OPCML: variants seen among roughly 807,000 people sequenced by gnomAD.
OPCML encodes opioid-binding protein/cell adhesion molecule.
Under a neutral mutation model 37.8 loss-of-function variants are expected in OPCML, and 13 were observed. That is an observed-to-expected ratio of 0.34 (90% CI 0.22 to 0.55). The LOEUF (loss-of-function observed/expected upper bound fraction) is 0.55. Among genes scored for constraint, OPCML ranks in the 20% least tolerant of loss-of-function variants. The pLI, the probability that OPCML is intolerant of heterozygous loss-of-function variation, is 0.91. For synonymous variants in OPCML, 176 were observed against 168.8 expected, an observed-to-expected ratio of 1.04 and a Z score of -0.33; for missense variants, 341 against 435.6, an observed-to-expected ratio of 0.78 and a Z score of 1.93.
intron 4 of OPCML, among the ~76,000 whole-genome samples, chr11:132,507,138 G>T (rs1355136563): frequency 6.7e-6 from 1 of 149,272 alleles, no homozygotes; most frequent in Non-Finnish European, 1.5e-5. Context: ...ACTGATAAAA[G>T]AAGCAATTCA....
At chr11:133,463,926 A>C (rs894624323) in intron 1 of OPCML, among the ~76,000 whole-genome samples, 1 of 152,184 alleles carries the variant, frequency 6.6e-6, no homozygotes, top group Non-Finnish European at 1.5e-5. Flanking sequence ...CCACATCTTC[A>C]TCGGCATCTC....
chr11:132,488,592 G>A (rs980570051), intron 4 of OPCML, among the ~76,000 whole-genome samples: 6 of 152,208 alleles, frequency 3.9e-5, no homozygotes, highest in Non-Finnish European at 5.9e-5. Context: ...AGTGAGTGGT[G>A]AGTGAATGTG....
intron 1 of OPCML, among the ~76,000 whole-genome samples, chr11:133,448,722 G>T (rs1946521314): frequency 1.3e-5 from 2 of 152,304 alleles, no homozygotes; most frequent in East Asian, 1.9e-4. Flanking sequence ...GTCCCGAAGT[G>T]CTGGGATTAC....
At chr11:133,182,132 T>C (rs1267757565) in intron 1 of OPCML, among the ~76,000 whole-genome samples, 3 of 152,326 alleles carry the variant, frequency 2.0e-5, no homozygotes, top group East Asian at 3.9e-4. Flanking sequence ...TAAATAACTG[T>C]ACTGCCCTCA....
At chr11:133,169,437 T>C (rs1950258939) in intron 1 of OPCML, among the ~76,000 whole-genome samples, 1 of 152,242 alleles carries the variant, frequency 6.6e-6, no homozygotes, top group Admixed American at 6.5e-5. Flanking sequence ...CACTAATCTC[T>C]GCCAATTTTC....
At chr11:133,314,852 G>C (rs1423050569) in intron 1 of OPCML, among the ~76,000 whole-genome samples, 1 of 152,184 alleles carries the variant, frequency 6.6e-6, no homozygotes, top group Non-Finnish European at 1.5e-5. Context: ...TGTAATTTTA[G>C]CTTCTATCCC....
At chr11:132,422,902 T>C (rs576679072) in intron 7 of OPCML, among the ~76,000 whole-genome samples, 1 of 152,352 alleles carries the variant, frequency 6.6e-6, no homozygotes, top group African/African-American at 2.4e-5. Context: ...GCAGTGTCTC[T>C]GTATGAATGT....
chr11:133,172,941 T>G (rs1050578437), intron 1 of OPCML, among the ~76,000 whole-genome samples: 7 of 152,228 alleles, frequency 4.6e-5, no homozygotes, highest in Non-Finnish European at 8.8e-5. Context: ...AAAATGAGTT[T>G]TGAGATGTTG....
chr11:133,475,544 G>C (rs1159709736), intron 1 of OPCML, among the ~76,000 whole-genome samples: 1 of 152,146 alleles, frequency 6.6e-6, no homozygotes, highest in Non-Finnish European at 1.5e-5. Flanking sequence ...CAAAGGAAAA[G>C]GAAGGATTTG....
In OPCML at chr11:132,947,836, A is replaced by G. The variant is rs1283163210; in HGVS notation, c.62-4826T>C. ...TCCCTTATCAGAAATGCTTGAGACC[A>G]GAAGTGTTTCAGATTTTGAATTATT... On this transcript the variant is annotated intron_variant, in intron 1 of 7. Coordinates refer to ENST00000524381, the MANE Select transcript of OPCML (RefSeq NM_001012393.5). 2.0e-5 allele frequency among the ~76,000 whole-genome samples: 3 copies of G among 152,336 alleles called. No homozygotes were observed. The East Asian group carries it at 5.8e-4, about 29-fold the overall frequency.
chr11:133,503,872 A>G (rs1947969609), intron 1 of OPCML, among the ~76,000 whole-genome samples: 1 of 152,130 alleles, frequency 6.6e-6, no homozygotes, highest in South Asian at 2.1e-4. Flanking sequence ...GAGTCAATCC[A>G]TCCTCTTCCT....
At chr11:133,429,907 C>T (rs191936097) in intron 1 of OPCML, among the ~76,000 whole-genome samples, 5 of 152,196 alleles carry the variant, frequency 3.3e-5, no homozygotes, top group East Asian at 1.9e-4. Context: ...ACACAGACTA[C>T]GATCATAGAC....
intron 3 of OPCML, among the ~76,000 whole-genome samples, chr11:132,592,747 A>C (rs2137717548): frequency 6.6e-6 from 1 of 152,332 alleles, no homozygotes; most frequent in East Asian, 1.9e-4. Flanking sequence ...GGAGTGGTCC[A>C]GAATGTACAA....
chr11:132,800,253 T>A (rs1938567851), intron 2 of OPCML, among the ~76,000 whole-genome samples: 1 of 152,218 alleles, frequency 6.6e-6, no homozygotes, highest in Non-Finnish European at 1.5e-5. Flanking sequence ...GATTTACATA[T>A]TGACTTATCC....
At chr11:133,487,785 G>C (rs928961240) in intron 1 of OPCML, among the ~76,000 whole-genome samples, 2 of 151,698 alleles carry the variant, frequency 1.3e-5, no homozygotes, top group Non-Finnish European at 2.9e-5. Flanking sequence ...TTGTGTGTGT[G>C]TGTGTGTGTG....
At chr11:132,834,841 C>T (rs34315715) in intron 2 of OPCML, among the ~76,000 whole-genome samples, 10,184 of 152,150 alleles carry the variant, frequency 0.067, 393 homozygotes, top group Non-Finnish European at 0.076. Flanking sequence ...CCCATAACAC[C>T]TTGGTAGCTG....
chr11:132,924,142 T>TGA (rs768130313), intron 2 of OPCML, among the ~76,000 whole-genome samples: 5 of 151,498 alleles, frequency 3.3e-5, no homozygotes, highest in Non-Finnish European at 7.4e-5. Context: ...TGTGTGTGTG[T>TGA]GTGTGTGTAT....
intron 1 of OPCML, among the ~76,000 whole-genome samples, chr11:133,218,281 A>G (rs1653305): frequency 0.32 from 48,274 of 151,892 alleles, 8,278 homozygotes; most frequent in African/African-American, 0.41. Flanking sequence ...TGGGTCTGTC[A>G]AGTTCCCGAG....
intron 4 of OPCML, among the ~76,000 whole-genome samples, chr11:132,486,201 C>T (rs2096199261): frequency 6.6e-6 from 1 of 152,042 alleles, no homozygotes; most frequent in African/African-American, 2.4e-5. Context: ...TGTGGGTGGC[C>T]CCAGTGCTGT....
Sources: gnomAD v4.1 joint callset for allele counts (sites outside exome capture counted in the v4.1 genomes callset) on GRCh38, gnomAD v4.1.1 for gene constraint, MANE v1.5 for transcripts, NCBI Gene and HGNC (gene_info 2026-07-23, HGNC 2026-07-21) for gene names.